Variants in PDSS2 observed in about 807,000 individuals in gnomAD.
The protein encoded by PDSS2 is all trans-polyprenyl-diphosphate synthase PDSS2.
Under a neutral mutation model 44.5 loss-of-function variants are expected in PDSS2, and 31 were observed. That is an observed-to-expected ratio of 0.70 (90% CI 0.52 to 0.94). The LOEUF is 0.94. Among genes scored for constraint, PDSS2 ranks in the 40% least tolerant of loss-of-function variants. The probability of loss-of-function intolerance (pLI) is 0.00; values close to 1 mark genes in which losing one functional copy is unlikely to be tolerated. For missense variants in PDSS2, 452 were observed against 482.2 expected (o/e 0.94, Z 0.59); for synonymous variants, 157 against 180.3 (o/e 0.87, Z 1.03).
chr6:107,226,299 G>A (rs1472820093), intron 4 of PDSS2, among the ~76,000 whole-genome samples: 1 of 152,092 alleles, frequency 6.6e-6, no homozygotes, highest in Non-Finnish European at 1.5e-5. Context: ...GCGACAAAGC[G>A]AGACTCCGTC....
chr6:107,225,188 T>G (rs1773777296), intron 4 of PDSS2, among the ~76,000 whole-genome samples: 1 of 85,034 alleles, frequency 1.2e-5, no homozygotes, highest in Non-Finnish European at 2.2e-5. Context: ...TTTTTTTTTT[T>G]TGAGACAGAG....
chr6:107,226,202 G>C (rs564228450), intron 4 of PDSS2, among the ~76,000 whole-genome samples: 2 of 152,236 alleles, frequency 1.3e-5, no homozygotes, highest in East Asian at 3.9e-4. Flanking sequence ...CCAGCTACTC[G>C]GGAGGCTGAG....
chr6:107,327,658 C>T (rs962461437), intron 2 of PDSS2, among the ~76,000 whole-genome samples: 1 of 152,140 alleles, frequency 6.6e-6, no homozygotes, highest in Admixed American at 6.5e-5. Flanking sequence ...AGGGTTTCAC[C>T]GCCTTGGCCA....
chr6:107,371,202 C>A (rs900040264), intron 1 of PDSS2, among the ~76,000 whole-genome samples: 3 of 148,140 alleles, frequency 2.0e-5, no homozygotes, highest in African/African-American at 7.4e-5. Flanking sequence ...AAAAAAAAGT[C>A]AACCACTGGA....
At chr6:107,168,395 A>G (rs1771433274) in intron 7 of PDSS2, among the ~76,000 whole-genome samples, 1 of 152,074 alleles carries the variant, frequency 6.6e-6, no homozygotes, top group African/African-American at 2.4e-5. Context: ...GGGTTTCCTG[A>G]ATACAGCACA....
chr6:107,403,305 A>C lies in PDSS2; in HGVS notation c.296+55685T>G, dbSNP rs140275322. Reference sequence around the variant, plus strand: ...TCCAGGTCACGCTGATATAAGAGGTAGGCTCCCACCGTCTTGGGCAACTCA... The same window carrying C: ...TCCAGGTCACGCTGATATAAGAGGTCGGCTCCCACCGTCTTGGGCAACTCA... On this transcript the variant is annotated intron_variant, in intron 1 of 7. Coordinates refer to ENST00000369037, the MANE Select transcript of PDSS2 (RefSeq NM_020381.4). Among the ~76,000 whole-genome samples, 678 of 152,276 alleles carry C rather than the reference A, an allele frequency of 4.5e-3. 4 individuals carry two copies. Among genetic ancestry groups the C allele is most frequent in the African/African-American group, 0.012 (502 of 41,558 alleles).
intron 1 of PDSS2, among the ~76,000 whole-genome samples, chr6:107,435,802 A>G (rs1159196910): frequency 6.6e-6 from 1 of 152,216 alleles, no homozygotes; most frequent in African/African-American, 2.4e-5. Context: ...CTCTAGCATC[A>G]CAATACTGGA....
chr6:107,385,737 C>T (rs147367062), intron 1 of PDSS2, among the ~76,000 whole-genome samples: 30 of 151,778 alleles, frequency 2.0e-4, no homozygotes, highest in African/African-American at 6.3e-4. Context: ...TTTTTTCTCT[C>T]TCTTTTTTTT....
At chr6:107,385,956 G>T (rs551504717) in intron 1 of PDSS2, among the ~76,000 whole-genome samples, 1 of 152,042 alleles carries the variant, frequency 6.6e-6, no homozygotes, top group Non-Finnish European at 1.5e-5. Context: ...AGGATGTAAA[G>T]CTCTTACAAA....
intron 4 of PDSS2, among the ~76,000 whole-genome samples, chr6:107,236,582 G>A (rs995853859): frequency 6.6e-6 from 1 of 152,056 alleles, no homozygotes; most frequent in African/African-American, 2.4e-5. Context: ...CTTCTACCAT[G>A]CGTTATAAAC....
chr6:107,300,072 AAAC>A, intron 2 of PDSS2, among the ~76,000 whole-genome samples: 1 of 152,178 alleles, frequency 6.6e-6, no homozygotes, highest in South Asian at 2.1e-4. Context: ...TCTCGGCCCA[AAAC>A]CCTACTAACT....
At chr6:107,210,683 A>T in intron 5 of PDSS2, 113 bp from the exon 6 acceptor site, 1 of 737,822 alleles carries the variant, frequency 1.4e-6, no homozygotes, top group Non-Finnish European at 2.4e-6. Context: ...TAAGGAATGC[A>T]GTTTTTAGAT....
At chr6:107,288,884 G>A (rs935744410) in intron 2 of PDSS2, among the ~76,000 whole-genome samples, 8 of 144,488 alleles carry the variant, frequency 5.5e-5, no homozygotes, top group Non-Finnish European at 7.5e-5. Flanking sequence ...TCAGCCTCCC[G>A]AGTAGCTGGG....
chr6:107,297,200 G>A (rs763971484), intron 2 of PDSS2, among the ~76,000 whole-genome samples: 1 of 152,112 alleles, frequency 6.6e-6, no homozygotes, highest in African/African-American at 2.4e-5. Context: ...TCCCAGAAAG[G>A]CTTCCCAAAT....
intron 4 of PDSS2, among the ~76,000 whole-genome samples, chr6:107,225,489 A>G (rs921683150): frequency 1.3e-5 from 2 of 151,888 alleles, no homozygotes; most frequent in Non-Finnish European, 2.9e-5. Context: ...TGGAAGTAAC[A>G]TGCCATTGCT....
chr6:107,406,180 C>T (rs994559402), intron 1 of PDSS2, among the ~76,000 whole-genome samples: 3 of 152,090 alleles, frequency 2.0e-5, no homozygotes, highest in African/African-American at 7.2e-5. Context: ...TATAAGCAAT[C>T]GGTCAGGTAT....
intron 7 of PDSS2, among the ~76,000 whole-genome samples, chr6:107,169,518 C>T (rs1554248142): frequency 1.3e-5 from 2 of 152,094 alleles, no homozygotes; most frequent in African/African-American, 2.4e-5. Flanking sequence ...CCATTGCTGA[C>T]GAGGAGATGC....
At chr6:107,403,963 A>C (rs1337484849) in intron 1 of PDSS2, among the ~76,000 whole-genome samples, 1 of 152,136 alleles carries the variant, frequency 6.6e-6, no homozygotes, top group East Asian at 1.9e-4. Flanking sequence ...TATGGGCTTG[A>C]ATTTCTCCCC....
At chr6:107,354,300 A>C (rs1035505336) in intron 1 of PDSS2, among the ~76,000 whole-genome samples, 2 of 152,216 alleles carry the variant, frequency 1.3e-5, no homozygotes, top group African/African-American at 4.8e-5. Flanking sequence ...AAGTGAAACC[A>C]TGTCTGTAAT....
Sources: gnomAD v4.1 joint callset for allele counts (sites outside exome capture counted in the v4.1 genomes callset) on GRCh38, gnomAD v4.1.1 for gene constraint, MANE v1.5 for transcripts, NCBI Gene and HGNC (gene_info 2026-07-23, HGNC 2026-07-21) for gene names.